Variants in CSMD3 observed in about 807,000 individuals in gnomAD.
CSMD3 encodes the protein CUB and Sushi multiple domains 3, also known as CUB and sushi domain-containing protein 3.
Under a neutral mutation model 435.2 loss-of-function variants are expected in CSMD3, and 177 were observed. The observed-to-expected ratio is 0.41, with a 90% CI of 0.36 to 0.46. The LOEUF (loss-of-function observed/expected upper bound fraction) is 0.46. CSMD3 is among the 20% of genes least tolerant of loss of function. The pLI, the probability that CSMD3 is intolerant of heterozygous loss-of-function variation, is 0.34. For missense variants in CSMD3, 4,265 were observed against 4,504.6 expected (o/e 0.95, Z 1.52); for synonymous variants, 1,656 against 1,520.5 (o/e 1.09, Z -2.07).
At chr8:112,514,945 T>G (rs1286824292) in intron 28 of CSMD3, among the ~76,000 whole-genome samples, 1 of 152,018 alleles carries the variant, frequency 6.6e-6, no homozygotes, top group Non-Finnish European at 1.5e-5. Flanking sequence ...AATTTATATC[T>G]TCCCCTCAAG....
intron 2 of CSMD3, among the ~76,000 whole-genome samples, chr8:113,296,557 G>C (rs1165646243): frequency 6.6e-6 from 1 of 151,932 alleles, no homozygotes; most frequent in Non-Finnish European, 1.5e-5. Flanking sequence ...AAACAAAACA[G>C]AAAGAGAGCT....
intron 1 of CSMD3, among the ~76,000 whole-genome samples, chr8:113,389,743 A>G (rs2094453852): frequency 6.6e-6 from 1 of 151,750 alleles, no homozygotes; most frequent in African/African-American, 2.4e-5. Flanking sequence ...CTAGAGTGAC[A>G]AACTATCTCA....
intron 5 of CSMD3, among the ~76,000 whole-genome samples, chr8:113,073,312 AT>A (rs2089205859): frequency 6.6e-6 from 1 of 151,664 alleles, no homozygotes; most frequent in Non-Finnish European, 1.5e-5. Flanking sequence ...CTTTTTAAGG[AT>A]TTTTTAAAAT....
chr8:113,357,808 T>TCCC (rs2132960888), intron 1 of CSMD3, among the ~76,000 whole-genome samples: 1 of 152,242 alleles, frequency 6.6e-6, no homozygotes, highest in East Asian at 1.9e-4. Flanking sequence ...GTATAGCACT[T>TCCC]CCCCCTTTCC....
chr8:112,705,504 G>A (rs768115707), intron 13 of CSMD3, among the ~76,000 whole-genome samples: 37 of 152,086 alleles, frequency 2.4e-4, no homozygotes, highest in African/African-American at 6.0e-4. Context: ...GGACTCTCAT[G>A]TACATTTAAA....
chr8:113,146,602 A>G (rs1034283041), intron 4 of CSMD3, among the ~76,000 whole-genome samples: 20 of 151,750 alleles, frequency 1.3e-4, no homozygotes, highest in Non-Finnish European at 2.7e-4. Context: ...GCATTACCAA[A>G]GAAAAAGAAG....
intron 24 of CSMD3, among the ~76,000 whole-genome samples, chr8:112,566,153 A>C (rs980611979): frequency 1.3e-5 from 2 of 151,920 alleles, no homozygotes; most frequent in Non-Finnish European, 2.9e-5. Context: ...GAAAAACTCA[A>C]ATCTTGAGTT....
intron 3 of CSMD3, among the ~76,000 whole-genome samples, chr8:113,174,509 T>C (rs905198939): frequency 2.6e-5 from 4 of 152,042 alleles, no homozygotes; most frequent in Non-Finnish European, 5.9e-5. Flanking sequence ...AGTTGTAACA[T>C]TTTAATTAGA....
chr8:112,292,618 T>C lies in CSMD3; in HGVS notation c.8707A>G (p.Ile2903Val). ...FNDVVTFSCN[I>V]GYLMQGPTKA... is the part of the protein sequence containing the mutation. ...GTTGGCCCTTGCATAAGATACCCAA[T>C]ATTGCATGAGAATGTTACCACATCA... The change falls in exon 55 of 71, where the codon ATT (isoleucine) becomes GTT (valine). Residue 2903 changes from isoleucine to valine, a missense_variant. Ile to Val is a conservative substitution (Grantham distance 29). Around this residue, in one of 3 missense-constraint regions of CSMD3, gnomAD observed 3,255 missense variants for 3,380.2 expected, o/e 0.96. Transcript: ENST00000297405. The C allele has an allele frequency of 1.2e-6, 2 of 1,613,856 alleles. No individual in the cohort carries two copies. The highest frequency in any genetic ancestry group is 1.7e-6 in the Non-Finnish European group (2 of 1,179,792).
intron 1 of CSMD3, among the ~76,000 whole-genome samples, chr8:113,361,722 AT>A (rs5894143): frequency 0.93 from 141,755 of 152,100 alleles, 66,156 homozygotes; most frequent in East Asian, 1. Context: ...TGAAATTGTA[AT>A]TTTTAGGCAA....
chr8:112,402,473 T>G (rs540263287), intron 35 of CSMD3, among the ~76,000 whole-genome samples: 1 of 152,188 alleles, frequency 6.6e-6, no homozygotes, highest in Non-Finnish European at 1.5e-5. Context: ...AATAAAAGGG[T>G]TTTTGATGAT....
chr8:112,401,207 A>G, intron 35 of CSMD3, among the ~76,000 whole-genome samples: 1 of 152,196 alleles, frequency 6.6e-6, no homozygotes, highest in East Asian at 1.9e-4. Flanking sequence ...CATTTCAAAA[A>G]GAATAAAAAT....
intron 34 of CSMD3, 41 bp from the exon 35 acceptor site, chr8:112,406,768 G>A (rs889763420): frequency 4.8e-6 from 6 of 1,240,890 alleles, no homozygotes; most frequent in Non-Finnish European, 6.8e-6. Context: ...TTATATGGTA[G>A]ACAAATACAG....
intron 6 of CSMD3, among the ~76,000 whole-genome samples, chr8:112,985,379 G>A (rs955300145): frequency 2.0e-5 from 3 of 151,988 alleles, no homozygotes; most frequent in Non-Finnish European, 2.9e-5. Flanking sequence ...AGTAGGCACC[G>A]AGACTTGAAG....
intron 13 of CSMD3, among the ~76,000 whole-genome samples, chr8:112,748,958 C>G (rs1351606256): frequency 6.6e-6 from 1 of 152,254 alleles, no homozygotes; most frequent in South Asian, 2.1e-4. Context: ...CTCCCATCAA[C>G]GGTGTATAAG....
chr8:112,937,301 A>G (rs2083309422), intron 9 of CSMD3, among the ~76,000 whole-genome samples: 1 of 152,062 alleles, frequency 6.6e-6, no homozygotes, highest in Non-Finnish European at 1.5e-5. Flanking sequence ...ACAAGAATCA[A>G]AAGAACAGTT....
chr8:113,390,273 C>T (rs1354156948), intron 1 of CSMD3, among the ~76,000 whole-genome samples: 1 of 151,698 alleles, frequency 6.6e-6, no homozygotes, highest in Non-Finnish European at 1.5e-5. Context: ...CTGTTACTGT[C>T]CCCAGCCTGT....
chr8:112,714,989 A>G (rs1367559767), intron 13 of CSMD3, among the ~76,000 whole-genome samples: 1 of 152,178 alleles, frequency 6.6e-6, no homozygotes, highest in Non-Finnish European at 1.5e-5. Context: ...TCTTAAATCA[A>G]CACCCTAATA....
intron 35 of CSMD3, 29 bp from the exon 36 acceptor site, chr8:112,390,817 GT>G (rs1294982600): frequency 1.2e-6 from 2 of 1,607,344 alleles, no homozygotes; most frequent in South Asian, 2.2e-5. Context: ...AAGAGAGGGA[GT>G]TAATTCTAAT....
Sources: gnomAD v4.1 joint callset for allele counts (sites outside exome capture counted in the v4.1 genomes callset) on GRCh38, gnomAD v4.1.1 for gene constraint, gnomAD v4.1.1 regional missense constraint, MANE v1.5 for transcripts, NCBI Gene and HGNC (gene_info 2026-07-23, HGNC 2026-07-21) for gene names.